Variants in NVL observed in about 807,000 individuals in gnomAD.
NVL encodes nuclear VCP like, also known as nuclear valosin-containing protein-like.
In NVL, 84 loss-of-function variants were observed where a neutral mutation model predicts 110.2. The observed-to-expected ratio is 0.76, with a 90% CI of 0.64 to 0.91. NVL has a LOEUF of 0.91. Ranked by LOEUF, NVL falls within the 40% of genes least tolerant of loss-of-function variation. The probability of loss-of-function intolerance (pLI) is 0.00; values close to 1 mark genes in which losing one functional copy is unlikely to be tolerated. For missense variants in NVL, 882 were observed against 1,035.9 expected, an observed-to-expected ratio of 0.85 and a Z score of 2.04; for synonymous variants, 354 against 361.1, an observed-to-expected ratio of 0.98 and a Z score of 0.22.
rs1662302666 is a variant in NVL, at chr1:224,250,161, T to C, written c.2289+51A>G. On this transcript the variant is annotated intron_variant, in intron 19 of 22. Coordinates refer to ENST00000281701, the MANE Select transcript of NVL (RefSeq NM_002533.4). ...AATTACTACCTCTTATAACTGTCTC[T>C]ATTTAAAACAAGAGAAACATATACA... is the stretch of plus-strand genomic sequence containing the variant. The C allele has an allele frequency of 3.8e-6, 6 of 1,579,258 alleles. No homozygotes were observed. In the South Asian group the frequency reaches 4.7e-5, roughly 12 times the overall value.
At chr1:224,290,836 G>A (rs1368206957) in intron 12 of NVL, among the ~76,000 whole-genome samples, 2 of 151,962 alleles carry the variant, frequency 1.3e-5, no homozygotes, top group African/African-American at 4.8e-5. Flanking sequence ...TGGGCATGGG[G>A]GCGGGTACCT....
intron 19 of NVL, among the ~76,000 whole-genome samples, chr1:224,245,572 C>CA (rs1225936865): frequency 6.6e-6 from 1 of 152,070 alleles, no homozygotes; most frequent in African/African-American, 2.4e-5. Context: ...ACTCTCAAGT[C>CA]AAAGAGAATA....
intron 18 of NVL, among the ~76,000 whole-genome samples, chr1:224,253,680 C>A (rs945368118): frequency 4.0e-5 from 6 of 149,266 alleles, no homozygotes; most frequent in Non-Finnish European, 7.4e-5. Context: ...TTGCAGTGAG[C>A]CGAGATCAGG....
In NVL at chr1:224,294,419, G is replaced by C. The variant is rs1667676991; in HGVS notation, c.1181-8C>G. ...CAGCCACATTATTCAGATCTAGTAA[G>C]AGACAGAGAAAGAGTAGTGAACAAA... On this transcript the variant is annotated splice_polypyrimidine_tract_variant and splice_region_variant and intron_variant, in intron 11 of 22. Transcript: ENST00000281701. 2.5e-6 allele frequency: 4 copies of C among 1,613,772 alleles called. No individual in the cohort carries two copies. The highest frequency in any genetic ancestry group is 2.5e-6 in the Non-Finnish European group (3 of 1,179,894).
At chr1:224,242,837 T>G (rs1661359524) in intron 19 of NVL, among the ~76,000 whole-genome samples, 1 of 151,090 alleles carries the variant, frequency 6.6e-6, no homozygotes, top group Non-Finnish European at 1.5e-5. Context: ...TTTTTTTTTT[T>G]TTTTTTGAGA....
intron 6 of NVL, among the ~76,000 whole-genome samples, chr1:224,306,623 G>A (rs905174426): frequency 1.3e-5 from 2 of 152,166 alleles, no homozygotes; most frequent in African/African-American, 4.8e-5. Flanking sequence ...CTTGAGCTCA[G>A]GAGTTCAAGA....
Position 224,317,907 on chromosome 1 carries a change from C to T in NVL, c.155G>A (p.Arg52Lys). ...VYSIDYGRRK[R>K]NAFRIQVEKV... is the part of the protein sequence containing the mutation. ...TTCTACCTGAATCCTAAAAGCATTT[C>T]TTTTTCTTCGACCATAGTCTATACT... is the stretch of plus-strand genomic sequence containing the variant. Residue 52 changes from arginine (R) to lysine (K), a missense_variant, in exon 3 of 23, where the codon AGA becomes AAA. By Grantham distance (26) the Arg-to-Lys change is conservative. Coordinates refer to ENST00000281701, the MANE Select transcript of NVL (RefSeq NM_002533.4). The T allele has an allele frequency of 1.3e-6, 2 of 1,598,862 alleles. No individual in the cohort carries two copies. The highest frequency in any genetic ancestry group is 2.2e-5 in the East Asian group (1 of 44,706).
chr1:224,248,679 T>C (rs1662130771), intron 19 of NVL, among the ~76,000 whole-genome samples: 3 of 152,218 alleles, frequency 2.0e-5, no homozygotes. Context: ...AAGAGAAAAT[T>C]TGAAAGTGGC....
intron 12 of NVL, among the ~76,000 whole-genome samples, chr1:224,290,565 G>A (rs915820843): frequency 2.1e-4 from 32 of 152,182 alleles, no homozygotes; most frequent in African/African-American, 7.7e-4. Flanking sequence ...CACTTTGGGA[G>A]GCCGAGGCAG....
chr1:224,277,925 G>A lies in NVL; in HGVS notation c.1963-2467C>T, dbSNP rs111676016. The stretch of plus-strand genomic sequence containing the variant: ...CTCCATCTTATGACCAAGCACTTTC[G>A]GTCTCCTTTACCAGATCTTGCTTCT... On this transcript the variant is annotated intron_variant, in intron 16 of 22. Transcript: ENST00000281701. 3.3e-3 allele frequency among the ~76,000 whole-genome samples: 507 copies of A among 152,156 alleles called. 2 individuals carry two copies. The highest frequency in any genetic ancestry group is 0.012 in the African/African-American group (483 of 41,518).
At chr1:224,229,779 C>T (rs1328506253) in intron 22 of NVL, among the ~76,000 whole-genome samples, 1 of 152,102 alleles carries the variant, frequency 6.6e-6, no homozygotes, top group African/African-American at 2.4e-5. Context: ...GTGGCAATTC[C>T]ACTCCTGTGT....
chr1:224,302,174 T>C (rs967383597), intron 9 of NVL, among the ~76,000 whole-genome samples: 6 of 152,188 alleles, frequency 3.9e-5, no homozygotes, highest in African/African-American at 1.4e-4. Context: ...CATTATTGTA[T>C]TAGCGCTTGG....
At chr1:224,274,164 G>A (rs1329717089) in intron 17 of NVL, among the ~76,000 whole-genome samples, 15 of 152,042 alleles carry the variant, frequency 9.9e-5, no homozygotes, top group Admixed American at 2.0e-4. Context: ...GGTGGCGGGC[G>A]CCTGTAATCC....
chr1:224,261,106 C>T (rs1663934302), intron 18 of NVL, among the ~76,000 whole-genome samples: 1 of 152,120 alleles, frequency 6.6e-6, no homozygotes, highest in African/African-American at 2.4e-5. Context: ...GAACTCCTGA[C>T]CTCATGATCT....
chr1:224,286,151 G>A (rs755995675), intron 14 of NVL, 21 bp from the exon 15 acceptor site: 22 of 1,554,424 alleles, frequency 1.4e-5, no homozygotes, highest in South Asian at 3.3e-5. Flanking sequence ...TGATACAAAC[G>A]GCGATCCATT....
At chr1:224,306,424 G>A (rs1280887471) in intron 6 of NVL, among the ~76,000 whole-genome samples, 1 of 152,108 alleles carries the variant, frequency 6.6e-6, no homozygotes, top group African/African-American at 2.4e-5. Flanking sequence ...CCGCCATGAC[G>A]CCTGGCTAAC....
chr1:224,316,219 G>A (rs1223805782), intron 4 of NVL, among the ~76,000 whole-genome samples: 1 of 151,936 alleles, frequency 6.6e-6, no homozygotes, highest in Non-Finnish European at 1.5e-5. Flanking sequence ...AATAATTGCA[G>A]CATGTCCATA....
chr1:224,322,581 G>A (rs1195311815), intron 2 of NVL, among the ~76,000 whole-genome samples: 1 of 152,174 alleles, frequency 6.6e-6, no homozygotes, highest in Non-Finnish European at 1.5e-5. Flanking sequence ...AATGGTTTCA[G>A]AACTAGGTAG....
chr1:224,277,991 G>A (rs560721272), intron 16 of NVL, among the ~76,000 whole-genome samples: 5 of 152,242 alleles, frequency 3.3e-5, no homozygotes, highest in African/African-American at 9.6e-5. Context: ...TTCTGTCAGA[G>A]GCCCTTAATG....
Sources: gnomAD v4.1 joint callset for allele counts (sites outside exome capture counted in the v4.1 genomes callset) on GRCh38, gnomAD v4.1.1 for gene constraint, MANE v1.5 for transcripts, NCBI Gene and HGNC (gene_info 2026-07-23, HGNC 2026-07-21) for gene names.